The following EFCAB8 variants were observed in gnomAD, a reference collection of about 807,000 sequenced individuals.
EFCAB8 encodes EF-hand calcium-binding domain-containing protein 8.
EFCAB8 carries 100 observed loss-of-function variants against 116.3 expected under a neutral mutation model. The ratio of observed to expected loss-of-function variants is 0.86; its 90% CI spans 0.73 to 1.02. EFCAB8 has a LOEUF of 1.02. Ranked by LOEUF, EFCAB8 falls within the 50% of genes least tolerant of loss-of-function variation. The pLI, the probability that EFCAB8 is intolerant of heterozygous loss-of-function variation, is 0.00. For synonymous variants in EFCAB8, 558 were observed against 567.9 expected (o/e 0.98, Z 0.25); for missense variants, 1,320 against 1,416.9 (o/e 0.93, Z 1.10).
rs995793971 is a variant in EFCAB8, at chr20:32,961,233, A to G, written c.3491A>G (p.Gln1164Arg). ...LTSRGPDQQDQHIRLVAHHVQ... is the reference protein window; with the variant it reads ...LTSRGPDQQDRHIRLVAHHVQ... ...AGCAGGGGCCCAGACCAGCAAGACCAGCACATCCGCCTGGTGGCCCACCAT... is the reference window on the plus strand; with the variant it reads ...AGCAGGGGCCCAGACCAGCAAGACCGGCACATCCGCCTGGTGGCCCACCAT... Residue 1164 changes from glutamine (Q) to arginine (R), a missense_variant, in exon 27 of 27, where the codon CAG becomes CGG. Physicochemically the swap from Gln to Arg is conservative, Grantham distance 43 (BLOSUM62 1). Coordinates refer to ENST00000400522, the MANE Select transcript of EFCAB8 (RefSeq NM_001143967.2). 1 of 1,551,844 alleles carries G rather than the reference A, an allele frequency of 6.4e-7. No homozygotes were observed. The highest frequency in any genetic ancestry group is 1.4e-5 in the African/African-American group (1 of 73,162).
At chr20:32,887,400 A>AC (rs1373861995) in intron 6 of EFCAB8, among the ~76,000 whole-genome samples, 2 of 152,058 alleles carry the variant, frequency 1.3e-5, no homozygotes, top group Non-Finnish European at 2.9e-5. Context: ...CCATGGTGAA[A>AC]CCCCGTCTCT....
In EFCAB8 at chr20:32,876,031, G is replaced by C. The variant is rs1263978013; in HGVS notation, c.314G>C (p.Gly105Ala). The C allele has an allele frequency of 1.3e-6, 2 of 1,552,114 alleles. No homozygotes were observed. The highest frequency in any genetic ancestry group is 1.7e-6 in the Non-Finnish European group (2 of 1,147,096). The part of the protein sequence containing the change: ...LFLKVDSDCE[G>A]FVTWQKYVDY... ...TTGAAGGTGGACTCGGACTGTGAAGGCTTTGTCACCTGGGTGAGGAGGGTG... is the reference window on the plus strand; with the variant it reads ...TTGAAGGTGGACTCGGACTGTGAAGCCTTTGTCACCTGGGTGAGGAGGGTG... Residue 105 changes from glycine (G) to alanine (A), a missense_variant, in exon 4 of 27, where the codon GGC (glycine) becomes GCC (alanine). Transcript: ENST00000400522.
chr20:32,955,827 A>AT (rs1988950335), intron 23 of EFCAB8, among the ~76,000 whole-genome samples: 1 of 152,150 alleles, frequency 6.6e-6, no homozygotes, highest in East Asian at 1.9e-4. Context: ...CTGTTTCTCT[A>AT]TTTTTTGTTA....
At chr20:32,896,342 C>G (rs866539804) in intron 9 of EFCAB8, 112 bp from the exon 10 acceptor site, 19 of 653,768 alleles carry the variant, frequency 2.9e-5, no homozygotes, top group African/African-American at 1.3e-4. Flanking sequence ...GGTGGAAAAG[C>G]CTTTTGAGAA....
chr20:32,889,267 C>G, intron 6 of EFCAB8, 34 bp from the exon 7 acceptor site: 4 of 1,543,680 alleles, frequency 2.6e-6, no homozygotes, highest in Non-Finnish European at 3.5e-6. Context: ...GAGTATGCGT[C>G]CCAGCCCATC....
intron 20 of EFCAB8, among the ~76,000 whole-genome samples, chr20:32,923,169 G>T (rs1031834823): frequency 6.6e-6 from 1 of 152,110 alleles, no homozygotes; most frequent in African/African-American, 2.4e-5. Flanking sequence ...GGGCAACACA[G>T]CTAGACCTTG....
Position 32,920,136 on chromosome 20 carries a change from C to A in EFCAB8, c.2333C>A (p.Ser778Tyr), listed in dbSNP as rs898490892. ...RQSSKIHSKQ[S>Y]IYKEDETRKG... ...TCAAGCAAGATCCACAGCAAACAGT[C>A]CATTTACAAAGAGGATGAAACGAGA... Residue 778 changes from serine to tyrosine, a missense_variant, in exon 20 of 27, where the codon TCC becomes TAC. Transcript: ENST00000400522. 3 of 1,551,678 alleles carry A rather than the reference C, an allele frequency of 1.9e-6. No individual in the cohort carries two copies. Among genetic ancestry groups the A allele is most frequent in the Non-Finnish European group, 2.6e-6 (3 of 1,147,002 alleles).
At chr20:32,918,613 T>C (rs1444475672) in intron 19 of EFCAB8, 39 bp downstream of exon 19, 2 of 1,540,588 alleles carry the variant, frequency 1.3e-6, no homozygotes, top group Admixed American at 3.9e-5. Context: ...ACCCTCACTC[T>C]CTAGCCGCCG....
chr20:32,862,511 C>CTAAGGGAAGGAG (rs1281160860), intron 1 of EFCAB8, among the ~76,000 whole-genome samples: 2 of 152,188 alleles, frequency 1.3e-5, no homozygotes, highest in East Asian at 3.8e-4. Flanking sequence ...AATCTCCTTC[C>CTAAGGGAAGGAG]CTTAGGCTGT....
At chr20:32,889,025 C>T (rs969663292) in intron 6 of EFCAB8, among the ~76,000 whole-genome samples, 4 of 152,052 alleles carry the variant, frequency 2.6e-5, no homozygotes, top group Non-Finnish European at 4.4e-5. Context: ...GTGTTCACGG[C>T]TCACTGCGGC....
chr20:32,875,645 C>T (rs1247365144), intron 3 of EFCAB8, among the ~76,000 whole-genome samples: 1 of 151,554 alleles, frequency 6.6e-6, no homozygotes, highest in Non-Finnish European at 1.5e-5. Context: ...GCTGGGATTG[C>T]AGGTACCCAC....
At chr20:32,924,287 C>T (rs1438074482) in intron 20 of EFCAB8, among the ~76,000 whole-genome samples, 1 of 152,114 alleles carries the variant, frequency 6.6e-6, no homozygotes, top group Admixed American at 6.6e-5. Context: ...TAGTCTTGAC[C>T]TTCTGGGCTC....
chr20:32,859,979 A>G (rs1408677250), intron 1 of EFCAB8, among the ~76,000 whole-genome samples: 1 of 152,136 alleles, frequency 6.6e-6, no homozygotes, highest in Non-Finnish European at 1.5e-5. Context: ...TTTCATCTCT[A>G]ACAGTTCCTT....
At chr20:32,898,740 GT>G in intron 11 of EFCAB8, 117 bp downstream of exon 11, 1 of 623,258 alleles carries the variant, frequency 1.6e-6, no homozygotes, top group Non-Finnish European at 2.9e-6. Flanking sequence ...CTGGGGTTTA[GT>G]TTTTCCAGCA....
At position 32,876,571 on chromosome 20, in the gene EFCAB8, A is replaced by G. The variant is rs138685509; in HGVS notation, c.327+527A>G. ...AGTCTGACAAATTGATGTAGCAAAGATGACAATGATAACTAGCATTTACAC... is the reference window on the plus strand; with the variant it reads ...AGTCTGACAAATTGATGTAGCAAAGGTGACAATGATAACTAGCATTTACAC... On this transcript the variant is annotated intron_variant, in intron 4 of 26. Transcript: ENST00000400522. Among the ~76,000 whole-genome samples the G allele has an allele frequency of 4.2e-4, 64 of 152,394 alleles. No individual in the cohort carries two copies. In the East Asian group the frequency reaches 0.012, roughly 29 times the overall value.
intron 9 of EFCAB8, among the ~76,000 whole-genome samples, chr20:32,895,165 G>T (rs183790425): frequency 6.6e-6 from 1 of 152,178 alleles, no homozygotes; most frequent in Non-Finnish European, 1.5e-5. Flanking sequence ...GGCTCTACTC[G>T]TCTGTGTCAG....
At chr20:32,859,517 T>G (rs1432500345) in intron 1 of EFCAB8, among the ~76,000 whole-genome samples, 1 of 152,216 alleles carries the variant, frequency 6.6e-6, no homozygotes. Context: ...GCGTTTTACC[T>G]CTGTTCATGA....
At chr20:32,893,863 G>A (rs1344611685) in intron 9 of EFCAB8, among the ~76,000 whole-genome samples, 2 of 152,174 alleles carry the variant, frequency 1.3e-5, no homozygotes, top group Non-Finnish European at 2.9e-5. Context: ...TGTCAGGAGG[G>A]AGGAGCCGCT....
chr20:32,871,986 A>G (rs1984706012), intron 3 of EFCAB8, among the ~76,000 whole-genome samples: 1 of 152,202 alleles, frequency 6.6e-6, no homozygotes, highest in Admixed American at 6.5e-5. Flanking sequence ...GCCCCCTGGC[A>G]TCTATCTTCT....
Sources: gnomAD v4.1 joint callset for allele counts (sites outside exome capture counted in the v4.1 genomes callset) on GRCh38, gnomAD v4.1.1 for gene constraint, MANE v1.5 for transcripts, NCBI Gene and HGNC (gene_info 2026-07-23, HGNC 2026-07-21) for gene names.